The following TNNI3K variants were observed in gnomAD, a reference collection of about 807,000 sequenced individuals.
TNNI3K encodes TNNI3 interacting kinase.
A neutral mutation model predicts 114.5 loss-of-function variants in TNNI3K; 140 were observed. That is an observed-to-expected ratio of 1.22 (90% confidence interval 1.07 to 1.41). The LOEUF (loss-of-function observed/expected upper bound fraction) is 1.41. Among genes scored for constraint, TNNI3K ranks in the 40% most tolerant of loss-of-function variants. The pLI is 0.00. For synonymous variants in TNNI3K, 347 were observed against 347.5 expected, an observed-to-expected ratio of 1.00 and a Z score of 0.02; for missense variants, 1,125 against 1,007.6, an observed-to-expected ratio of 1.12 and a Z score of -1.58.
intron 21 of TNNI3K, chr1:74,464,713 G>C (rs771644699): frequency 4.4e-6 from 7 of 1,588,850 alleles, no homozygotes; most frequent in Non-Finnish European, 6.0e-6. Flanking sequence ...AGATCGTTTT[G>C]GGATGTGGAT....
At chr1:74,264,144 T>C (rs1655831964) in intron 4 of TNNI3K, among the ~76,000 whole-genome samples, 1 of 151,296 alleles carries the variant, frequency 6.6e-6, no homozygotes, top group African/African-American at 2.4e-5. Context: ...AATCTAAGAG[T>C]ATGTTACTTC....
At chr1:74,453,088 C>G (rs544697817) in intron 20 of TNNI3K, among the ~76,000 whole-genome samples, 1 of 152,244 alleles carries the variant, frequency 6.6e-6, no homozygotes, top group South Asian at 2.1e-4. Flanking sequence ...GTAATTTTCT[C>G]TACTTCATTA....
chr1:74,527,538 C>G (rs1308688739), intron 23 of TNNI3K, among the ~76,000 whole-genome samples: 1 of 152,044 alleles, frequency 6.6e-6, no homozygotes, highest in Non-Finnish European at 1.5e-5. Flanking sequence ...AAAAGGAGAA[C>G]CAGAAAGCCA....
At chr1:74,387,787 A>T (rs960250271) in intron 17 of TNNI3K, among the ~76,000 whole-genome samples, 1 of 152,228 alleles carries the variant, frequency 6.6e-6, no homozygotes, top group Non-Finnish European at 1.5e-5. Context: ...CAATTTTTTC[A>T]TTATAAAATA....
intron 21 of TNNI3K, among the ~76,000 whole-genome samples, chr1:74,482,025 G>A (rs1229529918): frequency 6.6e-6 from 1 of 152,194 alleles, no homozygotes; most frequent in Non-Finnish European, 1.5e-5. Flanking sequence ...TGCAGCACAA[G>A]CAAGCTTAAA....
chr1:74,511,000 G>A (rs1470512426), intron 23 of TNNI3K, among the ~76,000 whole-genome samples: 2 of 151,996 alleles, frequency 1.3e-5, no homozygotes, highest in Non-Finnish European at 2.9e-5. Context: ...TGATTCTCCT[G>A]CCTCAGCCTC....
intron 5 of TNNI3K, among the ~76,000 whole-genome samples, chr1:74,320,050 T>C (rs779638972): frequency 2.6e-5 from 4 of 152,204 alleles, no homozygotes; most frequent in African/African-American, 4.8e-5. Flanking sequence ...CAATTATATC[T>C]TGTTCATTTC....
intron 23 of TNNI3K, among the ~76,000 whole-genome samples, chr1:74,523,704 T>G (rs1300931794): frequency 6.6e-6 from 1 of 152,242 alleles, no homozygotes. Flanking sequence ...AATACCTATT[T>G]GTTGGTAATT....
chr1:74,436,034 GC>G, intron 17 of TNNI3K, 45 bp from the exon 18 acceptor site: 3 of 1,581,234 alleles, frequency 1.9e-6, no homozygotes, highest in Non-Finnish European at 2.6e-6. Context: ...TTAGGACATA[GC>G]AAAGCTTACT....
At chr1:74,275,250 G>A (rs1656609783) in intron 5 of TNNI3K, among the ~76,000 whole-genome samples, 1 of 152,012 alleles carries the variant, frequency 6.6e-6, no homozygotes, top group South Asian at 2.1e-4. Flanking sequence ...CACAGTCATG[G>A]CAGAAGGCAA....
At chr1:74,521,956 A>G (rs1040905488) in intron 23 of TNNI3K, among the ~76,000 whole-genome samples, 8 of 152,322 alleles carry the variant, frequency 5.3e-5, no homozygotes, top group African/African-American at 1.9e-4. Flanking sequence ...ACTGTTGTTA[A>G]TCTTCTAAAC....
At chr1:74,441,622 G>A (rs1264009660) in intron 20 of TNNI3K, among the ~76,000 whole-genome samples, 1 of 152,066 alleles carries the variant, frequency 6.6e-6, no homozygotes, top group Non-Finnish European at 1.5e-5. Flanking sequence ...GAGAATTTCA[G>A]TTGTTTCACG....
At chr1:74,245,041 T>C (rs1344272514) in intron 2 of TNNI3K, among the ~76,000 whole-genome samples, 1 of 152,138 alleles carries the variant, frequency 6.6e-6, no homozygotes, top group Non-Finnish European at 1.5e-5. Flanking sequence ...AAAAATTATG[T>C]ATACATAGAA....
intron 17 of TNNI3K, among the ~76,000 whole-genome samples, chr1:74,396,797 C>G (rs1443733229): frequency 4.6e-5 from 7 of 152,306 alleles, no homozygotes; most frequent in African/African-American, 1.4e-4. Flanking sequence ...GAGGAGATTC[C>G]TCCTGCTTCT....
intron 5 of TNNI3K, among the ~76,000 whole-genome samples, chr1:74,330,341 G>T (rs188957301): frequency 9.3e-4 from 142 of 152,150 alleles, no homozygotes; most frequent in African/African-American, 3.3e-3. Context: ...AATCACAAGA[G>T]ATAACTCTAG....
intron 17 of TNNI3K, among the ~76,000 whole-genome samples, chr1:74,388,017 C>T (rs1459408668): frequency 6.6e-6 from 1 of 152,172 alleles, no homozygotes; most frequent in Non-Finnish European, 1.5e-5. Flanking sequence ...TGGCAGCTCA[C>T]GCCTATAATC....
intron 2 of TNNI3K, among the ~76,000 whole-genome samples, chr1:74,245,817 G>A (rs1654516040): frequency 6.6e-6 from 1 of 152,124 alleles, no homozygotes; most frequent in Non-Finnish European, 1.5e-5. Flanking sequence ...TCACAGCCAT[G>A]GGAATGCAGT....
At chr1:74,257,699 C>T (rs1314303618) in intron 4 of TNNI3K, among the ~76,000 whole-genome samples, 3 of 118,748 alleles carry the variant, frequency 2.5e-5, no homozygotes, top group African/African-American at 6.5e-5. Context: ...GGCGGAGTCT[C>T]GCTCTGTCAC....
chr1:74,507,389 C>T (rs1198867075), intron 23 of TNNI3K, among the ~76,000 whole-genome samples: 2 of 152,092 alleles, frequency 1.3e-5, no homozygotes, highest in Admixed American at 1.3e-4. Flanking sequence ...AGAATAGAAA[C>T]ATTATTGTAA....
Sources: allele counts gnomAD v4.1 joint callset (sites outside exome capture counted in the v4.1 genomes callset), GRCh38; gene constraint gnomAD v4.1.1; transcripts MANE v1.5; gene names NCBI Gene and HGNC (gene_info 2026-07-23, HGNC 2026-07-21).